Variants in KCNIP1 observed in about 807,000 individuals in gnomAD.
The protein encoded by KCNIP1 is A-type potassium channel modulatory protein KCNIP1.
Under a neutral mutation model 33.0 loss-of-function variants are expected in KCNIP1, and 18 were observed. The ratio of observed to expected loss-of-function variants is 0.55; its 90% CI spans 0.38 to 0.81. The LOEUF is 0.81. KCNIP1 is among the 30% of genes least tolerant of loss of function. The probability of loss-of-function intolerance (pLI) is 0.00; values close to 1 mark genes in which losing one functional copy is unlikely to be tolerated. For synonymous variants in KCNIP1, 93 were observed against 98.3 expected (o/e 0.95, Z 0.32); for missense variants, 238 against 271.6 (o/e 0.88, Z 0.87).
chr5:170,468,049 T>C (rs994760404), intron 1 of KCNIP1, among the ~76,000 whole-genome samples: 1 of 152,184 alleles, frequency 6.6e-6, no homozygotes, highest in Admixed American at 6.5e-5. Flanking sequence ...ATCTGTGGCC[T>C]TTCAGAGTCA....
At chr5:170,364,974 T>C (rs1033744501) in intron 1 of KCNIP1, among the ~76,000 whole-genome samples, 74 of 152,330 alleles carry the variant, frequency 4.9e-4, no homozygotes, top group African/African-American at 1.7e-3. Flanking sequence ...TGCTGTGCAT[T>C]ACTCTAGAGC....
At chr5:170,543,238 A>G (rs967772429) in intron 1 of KCNIP1, among the ~76,000 whole-genome samples, 1 of 152,230 alleles carries the variant, frequency 6.6e-6, no homozygotes, top group Non-Finnish European at 1.5e-5. Flanking sequence ...AAAGATGTTT[A>G]TCAGGTAAAA....
chr5:170,584,199 T>C (rs1203599477), intron 1 of KCNIP1, among the ~76,000 whole-genome samples: 1 of 152,240 alleles, frequency 6.6e-6, no homozygotes, highest in Non-Finnish European at 1.5e-5. Context: ...ATGTCTGCCA[T>C]GGGCACTGGA....
At chr5:170,428,565 C>T (rs540421394) in intron 1 of KCNIP1, among the ~76,000 whole-genome samples, 1 of 152,086 alleles carries the variant, frequency 6.6e-6, no homozygotes, top group South Asian at 2.1e-4. Context: ...AACTTTAGAG[C>T]AGCTCCGTTA....
At chr5:170,392,398 G>T (rs1302971620) in intron 1 of KCNIP1, among the ~76,000 whole-genome samples, 1 of 152,226 alleles carries the variant, frequency 6.6e-6, no homozygotes, top group Admixed American at 6.5e-5. Flanking sequence ...TGCAGTCATA[G>T]TAACTGGAAC....
chr5:170,580,577 T>A (rs536489093), intron 1 of KCNIP1, among the ~76,000 whole-genome samples: 1 of 152,230 alleles, frequency 6.6e-6, no homozygotes, highest in African/African-American at 2.4e-5. Flanking sequence ...CGGATGGTCA[T>A]GTTCAGGTTG....
intron 7 of KCNIP1, among the ~76,000 whole-genome samples, chr5:170,735,431 G>T (rs1165102807): frequency 1.3e-5 from 2 of 152,112 alleles, no homozygotes; most frequent in African/African-American, 4.8e-5. Context: ...TCAATAATTG[G>T]TCAGTGTAAT....
At chr5:170,404,466 C>T (rs1166657706) in intron 1 of KCNIP1, among the ~76,000 whole-genome samples, 1 of 152,124 alleles carries the variant, frequency 6.6e-6, no homozygotes, top group Non-Finnish European at 1.5e-5. Flanking sequence ...CTGGGCTAGG[C>T]TGATCTCAGC....
intron 1 of KCNIP1, among the ~76,000 whole-genome samples, chr5:170,416,075 C>A (rs1755322047): frequency 6.6e-6 from 1 of 152,052 alleles, no homozygotes; most frequent in African/African-American, 2.4e-5. Flanking sequence ...CCAGGAGTGA[C>A]AACAAGCCCT....
intron 1 of KCNIP1, among the ~76,000 whole-genome samples, chr5:170,451,063 C>A (rs1428365545): frequency 6.6e-6 from 1 of 152,194 alleles, no homozygotes; most frequent in Non-Finnish European, 1.5e-5. Flanking sequence ...CTGACGGGAG[C>A]TGGCCTGGTC....
intron 1 of KCNIP1, among the ~76,000 whole-genome samples, chr5:170,509,563 T>G (rs1349758237): frequency 3.3e-5 from 5 of 152,178 alleles, no homozygotes; most frequent in African/African-American, 7.2e-5. Context: ...GATGAATGAT[T>G]GAATGAATGG....
intron 1 of KCNIP1, among the ~76,000 whole-genome samples, chr5:170,526,903 A>G (rs909800976): frequency 2.6e-5 from 4 of 151,838 alleles, no homozygotes; most frequent in African/African-American, 9.7e-5. Context: ...TTGTATTTTT[A>G]GTAGACATGG....
In KCNIP1 at chr5:170,683,889, A is replaced by AGTGTGTGTGTGT. The variant is rs756936341; in HGVS notation, c.62-34865_62-34864insGTGTGTGTGTGT. Among the ~76,000 whole-genome samples, 184 of 124,684 alleles carry AGTGTGTGTGTGT rather than the reference A, an allele frequency of 1.5e-3. 2 individuals carry two copies. The highest frequency in any genetic ancestry group is 3.0e-3 in the Admixed American group (36 of 12,144). The allele number at this position is 124,684 out of a possible 152,430, so 81.8% of individuals were successfully genotyped here. ...CAGGCATACACCACTATGCCCAGCT[A>AGTGTGTGTGTGT]GTGTATGTGTGTGTGTGTGTGTGTG... is the stretch of plus-strand genomic sequence containing the variant. On this transcript the variant is annotated intron_variant, in intron 1 of 7. Coordinates refer to ENST00000328939, the MANE Select transcript of KCNIP1 (RefSeq NM_014592.4).
Position 170,480,069 on chromosome 5 carries a change from G to T in KCNIP1, c.88+126105G>T, listed in dbSNP as rs140526149. Among the ~76,000 whole-genome samples the T allele has an allele frequency of 5.0e-3, 766 of 152,202 alleles. 9 individuals are homozygous for T. The highest frequency in any genetic ancestry group is 0.017 in the African/African-American group (704 of 41,512). The stretch of plus-strand genomic sequence containing the variant: ...AAGTCAGCAAAAATGCACACAAAAC[G>T]TCATACTGATTGAAAAATATATATG... On this transcript the variant is annotated intron_variant, in intron 1 of 7. Coordinates refer to the KCNIP1 transcript ENST00000377360.
chr5:170,508,931 G>T (rs1256614480), intron 1 of KCNIP1, among the ~76,000 whole-genome samples: 1 of 152,116 alleles, frequency 6.6e-6, no homozygotes, highest in Non-Finnish European at 1.5e-5. Flanking sequence ...ACCACCAGAG[G>T]TCAGGGTTCT....
chr5:170,456,012 A>G (rs1756361999), intron 1 of KCNIP1, among the ~76,000 whole-genome samples: 1 of 152,232 alleles, frequency 6.6e-6, no homozygotes, highest in Admixed American at 6.5e-5. Flanking sequence ...ATGCATACAT[A>G]TATTTATTGA....
At chr5:170,555,668 C>T (rs1344051083) in intron 1 of KCNIP1, among the ~76,000 whole-genome samples, 3 of 152,194 alleles carry the variant, frequency 2.0e-5, no homozygotes, top group Middle Eastern at 3.2e-3. Context: ...AGTGCTTTCT[C>T]CCTTGCTGTG....
chr5:170,491,449 C>A (rs1412649333), intron 1 of KCNIP1, among the ~76,000 whole-genome samples: 1 of 152,206 alleles, frequency 6.6e-6, no homozygotes. Flanking sequence ...CCACATCTCC[C>A]ACCCCTCTAA....
intron 1 of KCNIP1, among the ~76,000 whole-genome samples, chr5:170,631,838 A>G (rs1481814139): frequency 1.3e-5 from 2 of 152,188 alleles, no homozygotes; most frequent in Admixed American, 1.3e-4. Flanking sequence ...CAGGGGAAAG[A>G]GTAGCGCCGA....
Sources: allele counts gnomAD v4.1 joint callset (sites outside exome capture counted in the v4.1 genomes callset), GRCh38; gene constraint gnomAD v4.1.1; transcripts MANE v1.5; gene names NCBI Gene and HGNC (gene_info 2026-07-23, HGNC 2026-07-21).